Variants in TMEM63A observed in about 807,000 individuals in gnomAD.
TMEM63A encodes transmembrane protein 63A.
Under a neutral mutation model 100.6 loss-of-function variants are expected in TMEM63A, and 76 were observed. That is an observed-to-expected ratio of 0.76 (90% CI 0.63 to 0.91). The LOEUF (loss-of-function observed/expected upper bound fraction) is 0.91, where lower values mean the gene tolerates loss of function less well. TMEM63A is among the 40% of genes least tolerant of loss of function. TMEM63A has a pLI of 0.00. For synonymous variants in TMEM63A, 401 were observed against 401.1 expected (o/e 1.00, Z 0.00); for missense variants, 876 against 1,008.8 (o/e 0.87, Z 1.78).
At chr1:225,845,320 G>C (rs202036186), downstream of TMEM63A, 1 of 1,611,772 alleles carries the variant, frequency 6.2e-7, no homozygotes. Flanking sequence ...ACATCCGCAA[G>C]TTCCTGTCGG....
At chr1:225,845,512 A>C, downstream of TMEM63A, 82 of 633,918 alleles carry the variant, frequency 1.3e-4, no homozygotes, top group Non-Finnish European at 1.7e-4. Context: ...CCAACCCCCA[A>C]CTCCGTGTGG....
rs760517551 is a variant in TMEM63A at position 225,848,959 on chromosome 1, G to A, written c.2125C>T (p.Leu709=). Reference sequence around the variant, plus strand: ...AAGCAGGTGTGAGCCAGGCAGACCAGGATGGTGAGCAGCAGCACCAGGAAG... The same window carrying A: ...AAGCAGGTGTGAGCCAGGCAGACCAAGATGGTGAGCAGCAGCACCAGGAAG... ...FTFLVLLLTI[L]VCLAHTCFGC... is the part of the protein sequence containing the mutation. The change falls in exon 22 of 25, where the codon CTG becomes TTG. Residue 709 remains leucine, a synonymous_variant. Transcript: ENST00000366835. The A allele has an allele frequency of 3.7e-6, 6 of 1,605,970 alleles. No individual in the cohort carries two copies. In the African/African-American group the frequency reaches 8.0e-5, roughly 21 times the overall value.
chr1:225,856,546 G>A (rs1669625645), intron 17 of TMEM63A, 106 bp downstream of exon 17: 4 of 1,148,154 alleles, frequency 3.5e-6, no homozygotes, highest in Non-Finnish European at 5.1e-6. Flanking sequence ...CTTAGATATT[G>A]TTAGAGGTTT....
chr1:225,876,539 T>G (rs1343248155), intron 3 of TMEM63A, among the ~76,000 whole-genome samples: 1 of 152,198 alleles, frequency 6.6e-6, no homozygotes, highest in Non-Finnish European at 1.5e-5. Context: ...TGAGTCTGCA[T>G]AAGGAAGAAC....
chr1:225,864,490 G>A (rs918113514), intron 10 of TMEM63A: 1 of 152,176 alleles, frequency 6.6e-6, no homozygotes, highest in Non-Finnish European at 1.5e-5. Flanking sequence ...GAAAGCATGA[G>A]TCATGCAATG....
chr1:225,880,861 T>C (rs535068474), intron 1 of TMEM63A, among the ~76,000 whole-genome samples: 4 of 152,332 alleles, frequency 2.6e-5, no homozygotes, highest in Admixed American at 2.0e-4. Context: ...GGTGGTCAAC[T>C]TGACAAGCTC....
downstream of TMEM63A, chr1:225,844,424 G>A (rs1668736154): frequency 6.2e-7 from 1 of 1,612,224 alleles, no homozygotes; most frequent in Non-Finnish European, 8.5e-7. Context: ...GGCATTTGTA[G>A]GACTTTCTGG....
downstream of TMEM63A, chr1:225,844,354 C>T (rs1335933141): frequency 1.5e-6 from 2 of 1,304,538 alleles, no homozygotes; most frequent in East Asian, 4.6e-5. Context: ...CTGCCTGTGA[C>T]ACGAGGATAC....
In TMEM63A at chr1:225,866,508, G is replaced by T. The variant is rs565073627; in HGVS notation, c.675+66C>A. ...CAGGGCCTGTGGCAGAGCCTGGGAGGCCCTTCCACTCCGACTCCCACCTGA... is the reference window on the plus strand; with the variant it reads ...CAGGGCCTGTGGCAGAGCCTGGGAGTCCCTTCCACTCCGACTCCCACCTGA... On this transcript the variant is annotated intron_variant, in intron 9 of 24. Coordinates refer to ENST00000366835, the MANE Select transcript of TMEM63A (RefSeq NM_014698.3). 4.1e-5 allele frequency: 59 copies of T among 1,430,186 alleles called. No individual in the cohort carries two copies. In the African/African-American group the frequency reaches 7.5e-4, roughly 18 times the overall value. 88.6% of individuals were successfully genotyped at this position (1,430,186 alleles called of 1,614,324 possible).
chr1:225,880,032 T>C (rs1485046667), intron 1 of TMEM63A, among the ~76,000 whole-genome samples: 1 of 152,152 alleles, frequency 6.6e-6, no homozygotes. Context: ...GCGGCTCCTC[T>C]TCCCCCTCCC....
chr1:225,865,660 GC>G lies in TMEM63A; in HGVS notation c.746+236del. 2 of 536,152 alleles carry G rather than the reference GC, an allele frequency of 3.7e-6. No individual in the cohort carries two copies. The highest frequency in any genetic ancestry group is 6.2e-5 in the Admixed American group (2 of 32,260). The allele number at this position is 536,152 out of a possible 1,614,324, so 33.2% of individuals were successfully genotyped here. A position where few individuals can be genotyped will look rare whatever the true frequency, so the allele number is the denominator to read the frequency against. ...CCCTGGTCTGTGCTCTGGACACTGT[GC>G]ACAGGCTGCTTGAAGAGGATAGGCC... On this transcript the variant is annotated intron_variant, in intron 10 of 24. Coordinates refer to ENST00000366835, the MANE Select transcript of TMEM63A (RefSeq NM_014698.3). This position sits in a 1 kb window ranked among gnomAD's most constrained non-coding sequence, Gnocchi z 4.6.
At position 225,846,105 on chromosome 1, in the gene TMEM63A, A is replaced by T. The variant is rs1269982598; in HGVS notation, c.*834T>A. On this transcript the variant is annotated 3_prime_UTR_variant, in exon 25 of 25. Coordinates refer to ENST00000366835, the MANE Select transcript of TMEM63A (RefSeq NM_014698.3). ...AGAGCCACAGCTCAAGGGCAGTGGG[A>T]TGGCCCTGCACCCAGCCCAGGTACC... The T allele has an allele frequency of 6.5e-6, 1 of 154,872 alleles. No individual in the cohort carries two copies. Among genetic ancestry groups the T allele is most frequent in the Non-Finnish European group, 1.4e-5 (1 of 69,932 alleles). 9.6% of individuals were successfully genotyped at this position (154,872 alleles called of 1,614,324 possible). A position where few individuals can be genotyped will look rare whatever the true frequency, so the allele number is the denominator to read the frequency against.
At chr1:225,843,376 G>A (rs1668597134), downstream of TMEM63A, among the ~76,000 whole-genome samples, 1 of 152,212 alleles carries the variant, frequency 6.6e-6, no homozygotes, top group Non-Finnish European at 1.5e-5. Context: ...CTTGTCCAGA[G>A]GCTGAAGCAG....
At chr1:225,856,835 G>T in intron 16 of TMEM63A, 76 bp downstream of exon 16, 2 of 1,583,072 alleles carry the variant, frequency 1.3e-6, no homozygotes, top group Non-Finnish European at 1.7e-6. Flanking sequence ...AGCAGCTGGG[G>T]GGTTAGGGTG....
downstream of TMEM63A, chr1:225,842,558 C>T (rs1307477603): frequency 2.6e-5 from 26 of 996,048 alleles, no homozygotes; most frequent in Non-Finnish European, 4.2e-5. Context: ...TGTCTGGTTG[C>T]TCTGCATGGG....
At chr1:225,871,952 CT>C (rs1670528724) in intron 5 of TMEM63A, 34 bp downstream of exon 5, 1 of 1,550,774 alleles carries the variant, frequency 6.4e-7, no homozygotes, top group Non-Finnish European at 8.9e-7. Context: ...TCCCCACCCC[CT>C]GGCCATGACC....
downstream of TMEM63A, among the ~76,000 whole-genome samples, chr1:225,841,931 A>G (rs1668465661): frequency 2.6e-5 from 4 of 152,074 alleles, no homozygotes; most frequent in African/African-American, 7.3e-5. Context: ...ATGACTGTAC[A>G]GTATTTTGGC....
chr1:225,859,530 T>C, intron 14 of TMEM63A, 181 bp from the exon 15 acceptor site: 1 of 712,784 alleles, frequency 1.4e-6, no homozygotes, highest in Non-Finnish European at 2.3e-6. Flanking sequence ...GGAACAATTA[T>C]TCTCTCAGAT....
rs45518131 is a variant in TMEM63A at position 225,846,674 on chromosome 1, G to A, written c.*265C>T. ...ATATTCTCCCGGACTCATCAGTTTG[G>A]GGGGCGAAAAGTCCACCACATGGTC... On this transcript the variant is annotated 3_prime_UTR_variant, in exon 25 of 25. Transcript: ENST00000366835. The A allele has an allele frequency of 9.0e-3, 1,816 of 201,610 alleles. 38 individuals are homozygous for A. Among genetic ancestry groups the A allele is most frequent in the African/African-American group, 0.039 (1,677 of 43,442 alleles). The allele number at this position is 201,610 out of a possible 1,614,324, so 12.5% of individuals were successfully genotyped here. A position where few individuals can be genotyped will look rare whatever the true frequency, so the allele number is the denominator to read the frequency against.
Sources: allele counts gnomAD v4.1 joint callset (sites outside exome capture counted in the v4.1 genomes callset), GRCh38; gene constraint gnomAD v4.1.1; non-coding constraint Gnocchi (gnomAD v3.1); transcripts MANE v1.5; gene names NCBI Gene and HGNC (gene_info 2026-07-23, HGNC 2026-07-21).